The following ASPH variants were observed in gnomAD, a reference collection of about 807,000 sequenced individuals.
ASPH encodes aspartate beta-hydroxylase, also known as aspartyl/asparaginyl beta-hydroxylase.
ASPH carries 100 observed loss-of-function variants against 118.4 expected under a neutral mutation model. That is an observed-to-expected ratio of 0.84 (90% CI 0.72 to 1.00). The LOEUF is 1.00. ASPH is among the 50% of genes least tolerant of loss of function. The pLI is 0.00. For synonymous variants in ASPH, 315 were observed against 325.6 expected, an observed-to-expected ratio of 0.97 and a Z score of 0.35; for missense variants, 920 against 919.5, an observed-to-expected ratio of 1.00 and a Z score of -0.01.
At chr8:61,620,700 G>A (rs925973083) in intron 13 of ASPH, among the ~76,000 whole-genome samples, 2 of 152,198 alleles carry the variant, frequency 1.3e-5, no homozygotes, top group African/African-American at 4.8e-5. Flanking sequence ...TTCCAGTCCT[G>A]AAGGAGCTCT....
At chr8:61,558,601 T>C (rs1325901436) in intron 18 of ASPH, among the ~76,000 whole-genome samples, 1 of 152,146 alleles carries the variant, frequency 6.6e-6, no homozygotes, top group Non-Finnish European at 1.5e-5. Flanking sequence ...TGTGTCCCAT[T>C]CAGGAAAAAC....
At chr8:61,581,425 CTG>C (rs1217629047) in intron 15 of ASPH, among the ~76,000 whole-genome samples, 18 of 152,192 alleles carry the variant, frequency 1.2e-4, no homozygotes, top group Non-Finnish European at 1.0e-4. Context: ...GTAGGCCACA[CTG>C]TGTTGACATG....
intron 5 of ASPH, among the ~76,000 whole-genome samples, chr8:61,647,686 A>AT (rs1808720864): frequency 6.6e-6 from 1 of 152,052 alleles, no homozygotes. Flanking sequence ...AAATAAATAA[A>AT]TAAATTAAAT....
At position 61,501,388 on chromosome 8, in the gene ASPH, T is replaced by C. The variant is rs1267785226; in HGVS notation, c.*1971A>G. On this transcript the variant is annotated 3_prime_UTR_variant, in exon 25 of 25. Transcript: ENST00000379454. ...TTAGAACCTTACTGTAGTGACCTGATTTTAAATACCATATTATATTTACTA... is the reference window on the plus strand; with the variant it reads ...TTAGAACCTTACTGTAGTGACCTGACTTTAAATACCATATTATATTTACTA... 14 of 152,304 alleles carry C rather than the reference T, an allele frequency of 9.2e-5. No homozygotes were observed. In the South Asian group the frequency reaches 2.3e-3, roughly 25 times the overall value. The allele number at this position is 152,304 out of a possible 1,614,324, so 9.4% of individuals were successfully genotyped here. A position where few individuals can be genotyped will look rare whatever the true frequency, so the allele number is the denominator to read the frequency against.
chr8:61,648,300 T>C (rs1184154555), intron 5 of ASPH, among the ~76,000 whole-genome samples: 1 of 152,200 alleles, frequency 6.6e-6, no homozygotes, highest in African/African-American at 2.4e-5. Context: ...CAGCCCAGAC[T>C]GCAAGAAGCC....
At chr8:61,550,491 GA>G (rs1825611079) in intron 20 of ASPH, among the ~76,000 whole-genome samples, 1 of 146,808 alleles carries the variant, frequency 6.8e-6, no homozygotes. Flanking sequence ...GAGAGAGAGA[GA>G]GAGAGAGACA....
intron 14 of ASPH, among the ~76,000 whole-genome samples, chr8:61,600,460 G>T (rs1454465420): frequency 6.6e-6 from 1 of 151,248 alleles, no homozygotes; most frequent in Non-Finnish European, 1.5e-5. Flanking sequence ...CAGAAAACAT[G>T]ATCTTATATA....
At position 61,714,153 on chromosome 8, in the gene ASPH, G is replaced by A. The variant is rs1267586478; in HGVS notation, c.103+116C>T. On this transcript the variant is annotated intron_variant, in intron 1 of 24. Transcript: ENST00000379454. ...CGCGCCTAAAGGAGGAGCGTCGCGG[G>A]GGATGGAGGCGGCGCGCGGTGGGAC... 13 of 1,263,608 alleles carry A rather than the reference G, an allele frequency of 1.0e-5. No homozygotes were observed. In the East Asian group the frequency reaches 2.9e-4, roughly 28 times the overall value. The allele number at this position is 1,263,608 out of a possible 1,614,324, so 78.3% of individuals were successfully genotyped here. A position where few individuals can be genotyped will look rare whatever the true frequency, so the allele number is the denominator to read the frequency against.
intron 13 of ASPH, among the ~76,000 whole-genome samples, chr8:61,630,862 T>C (rs1855239146): frequency 6.6e-6 from 1 of 152,198 alleles, no homozygotes; most frequent in Non-Finnish European, 1.5e-5. Context: ...TCAGGAGGTA[T>C]CCAGAAGTCA....
intron 24 of ASPH, among the ~76,000 whole-genome samples, chr8:61,513,072 C>T (rs535669039): frequency 6.6e-6 from 1 of 152,294 alleles, no homozygotes; most frequent in African/African-American, 2.4e-5. Context: ...AATATTTAAA[C>T]AGTATACACA....
intron 21 of ASPH, among the ~76,000 whole-genome samples, chr8:61,530,959 T>A (rs1817354131): frequency 6.6e-6 from 1 of 152,228 alleles, no homozygotes; most frequent in Non-Finnish European, 1.5e-5. Context: ...TCCTTCTCCA[T>A]CCTTGTAATA....
chr8:61,693,119 C>T (rs929811358), intron 1 of ASPH, among the ~76,000 whole-genome samples: 6 of 152,144 alleles, frequency 3.9e-5, no homozygotes, highest in African/African-American at 1.4e-4. Flanking sequence ...AAGTCTTCTA[C>T]ACCCCAAGTC....
At chr8:61,687,833 T>C (rs1360537411) in intron 1 of ASPH, 6 of 152,228 alleles carry the variant, frequency 3.9e-5, no homozygotes, top group Admixed American at 3.9e-4. Context: ...AGCAATATTT[T>C]ATATATCCCT....
rs200141859 is a variant in ASPH, at chr8:61,548,227, TG to T, written c.1627-20del. The T allele has an allele frequency of 1.6e-3, 2,497 of 1,609,270 alleles. 31 individuals are homozygous for T. The African/African-American group carries it at 0.028, about 18-fold the overall frequency. ...TATATGCCTGAAGGAACAGAAAGAA[TG>T]TGCTCCAAACTGTTCCTTCAACAGA... On this transcript the variant is annotated intron_variant, in intron 20 of 24. Coordinates refer to ENST00000379454, the MANE Select transcript of ASPH (RefSeq NM_004318.4).
chr8:61,568,296 T>C lies in ASPH; in HGVS notation c.1150-978A>G, dbSNP rs1587320725. 5.3e-5 allele frequency among the ~76,000 whole-genome samples: 8 copies of C among 152,032 alleles called. 1 individual carries two copies. The South Asian group carries it at 1.7e-3, about 32-fold the overall frequency. On this transcript the variant is annotated intron_variant, in intron 16 of 24. Transcript: ENST00000379454. ...TGGACTAAGGTAGCAGTAATGGAAG[T>C]GGTAACAAGTGGTCAGATTATAGAT...
intron 14 of ASPH, among the ~76,000 whole-genome samples, chr8:61,587,595 A>ATTTTTT (rs1337504989): frequency 6.6e-6 from 1 of 152,216 alleles, no homozygotes; most frequent in Non-Finnish European, 1.5e-5. Context: ...TAACAGCAAA[A>ATTTTTT]TTATATGCTT....
At position 61,525,951 on chromosome 8, in the gene ASPH, G is replaced by A. The variant is rs199794266; in HGVS notation, c.1900+26C>T. Reference sequence around the variant, plus strand: ...CTTCCCATCAGGTTTGGGCTGCAGAGAACCATCTAGAAGTCAGAAACTCAC... The same window carrying A: ...CTTCCCATCAGGTTTGGGCTGCAGAAAACCATCTAGAAGTCAGAAACTCAC... On this transcript the variant is annotated intron_variant, in intron 22 of 24. Transcript: ENST00000379454. 1,468 of 1,612,904 alleles carry A rather than the reference G, an allele frequency of 9.1e-4. 3 individuals carry two copies. Among genetic ancestry groups the A allele is most frequent in the Non-Finnish European group, 6.9e-4 (816 of 1,179,726 alleles).
chr8:61,638,445 A>G, intron 10 of ASPH, 82 bp from the exon 11 acceptor site: 1 of 1,200,044 alleles, frequency 8.3e-7, no homozygotes, highest in Non-Finnish European at 1.2e-6. Context: ...GGGCAGAGAC[A>G]ATGCCTTATG....
chr8:61,708,797 C>T (rs995135019), intron 1 of ASPH, among the ~76,000 whole-genome samples: 20 of 152,166 alleles, frequency 1.3e-4, no homozygotes, highest in African/African-American at 3.4e-4. Flanking sequence ...GAGAGAAGTG[C>T]TGGCATTTCT....
Sources: allele counts gnomAD v4.1 joint callset (sites outside exome capture counted in the v4.1 genomes callset), GRCh38; gene constraint gnomAD v4.1.1; transcripts MANE v1.5; gene names NCBI Gene and HGNC (gene_info 2026-07-23, HGNC 2026-07-21).